Variants in EEFSEC observed in about 807,000 individuals in gnomAD.
The protein encoded by EEFSEC is selenocysteine-specific elongation factor.
Under a neutral mutation model 42.1 loss-of-function variants are expected in EEFSEC, and 43 were observed. That is an observed-to-expected ratio of 1.02 (90% confidence interval 0.80 to 1.32). The LOEUF (loss-of-function observed/expected upper bound fraction) is 1.32, where lower values mean the gene tolerates loss of function less well. EEFSEC is among the 40% of genes most tolerant of loss of function. EEFSEC has a pLI of 0.00. For synonymous variants in EEFSEC, 354 were observed against 339.1 expected (o/e 1.04, Z -0.48); for missense variants, 745 against 803.6 (o/e 0.93, Z 0.88).
chr3:128,244,604 C>T (rs935472249), intron 1 of EEFSEC, among the ~76,000 whole-genome samples: 38 of 152,202 alleles, frequency 2.5e-4, no homozygotes, highest in Admixed American at 1.5e-3. Context: ...AGATACTACA[C>T]ATCCCTGTTT....
chr3:128,247,228 A>T (rs1026514515), intron 2 of EEFSEC, among the ~76,000 whole-genome samples, 185 bp downstream of exon 2: 1 of 152,206 alleles, frequency 6.6e-6, no homozygotes, highest in African/African-American at 2.4e-5. Flanking sequence ...GTGTTTTTAA[A>T]AGAGGCCAAA....
intron 2 of EEFSEC, among the ~76,000 whole-genome samples, chr3:128,254,967 G>A (rs912604901): frequency 1.3e-5 from 2 of 152,202 alleles, no homozygotes; most frequent in African/African-American, 4.8e-5. Context: ...CCAATTGGAT[G>A]CAGTGACTGA....
At chr3:128,337,929 C>G (rs534337180) in intron 4 of EEFSEC, among the ~76,000 whole-genome samples, 13 of 152,230 alleles carry the variant, frequency 8.5e-5, no homozygotes, top group Non-Finnish European at 1.9e-4. Flanking sequence ...CCTTGAGAAG[C>G]CCTTGCACAT....
At position 128,358,125 on chromosome 3, in the gene EEFSEC, G is replaced by A. The variant is rs2067478823; in HGVS notation, c.1444-92G>A. The A allele has an allele frequency of 7.9e-6, 12 of 1,520,112 alleles. No individual in the cohort carries two copies. In the South Asian group the frequency reaches 1.4e-4, roughly 18 times the overall value. The allele number at this position is 1,520,112 out of a possible 1,614,324, so 94.2% of individuals were successfully genotyped here. On this transcript the variant is annotated intron_variant, in intron 5 of 6. Coordinates refer to ENST00000254730, the MANE Select transcript of EEFSEC (RefSeq NM_021937.5). ...GCGGGCAGCAGCCAGCCATGCCTAG[G>A]GCCCGGGAGAGCTGGGGCTAGGCAC...
intron 2 of EEFSEC, 42 bp downstream of exon 2, chr3:128,247,085 C>T (rs1198079107): frequency 6.3e-7 from 1 of 1,586,882 alleles, no homozygotes; most frequent in African/African-American, 1.3e-5. Flanking sequence ...CATAAGAAGG[C>T]TTCTGGGGCC....
In EEFSEC at chr3:128,242,888, G is replaced by A. The variant is rs370782797; in HGVS notation, c.317-3948G>A. Among the ~76,000 whole-genome samples, 7 of 152,182 alleles carry A rather than the reference G, an allele frequency of 4.6e-5. No individual in the cohort carries two copies. The South Asian group carries it at 8.3e-4, about 18-fold the overall frequency. On this transcript the variant is annotated intron_variant, in intron 1 of 6. Transcript: ENST00000254730. ...TCTTGTGTTTCCCACCCACTCACTC[G>A]CTATGTCCCTCTAGTCTCAGAGCGA...
At chr3:128,302,217 G>T (rs544266304) in intron 4 of EEFSEC, among the ~76,000 whole-genome samples, 11 of 152,126 alleles carry the variant, frequency 7.2e-5, no homozygotes, top group Non-Finnish European at 1.5e-4. Context: ...AGAGTGATAC[G>T]CCTGTTCCTT....
At chr3:128,175,543 T>C (rs2065340010) in intron 1 of EEFSEC, among the ~76,000 whole-genome samples, 1 of 152,112 alleles carries the variant, frequency 6.6e-6, no homozygotes, top group Non-Finnish European at 1.5e-5. Context: ...CCAGGCAACA[T>C]GAAGGCTGGC....
intron 4 of EEFSEC, among the ~76,000 whole-genome samples, chr3:128,325,139 C>T (rs949342606): frequency 1.3e-5 from 2 of 152,238 alleles, no homozygotes; most frequent in Non-Finnish European, 2.9e-5. Context: ...GAGCCCAGAG[C>T]TGTCACTGCT....
chr3:128,414,732 C>T, the EEFSEC span, among the ~76,000 whole-genome samples: 22 of 152,346 alleles, frequency 1.4e-4, no homozygotes, highest in South Asian at 4.6e-3. Context: ...TCATCATCAG[C>T]ATCACCAGCG....
At chr3:128,367,805 A>T (rs1353525248) in intron 6 of EEFSEC, 6 of 985,258 alleles carry the variant, frequency 6.1e-6, no homozygotes, top group Non-Finnish European at 6.0e-6. Context: ...CTCTACAATA[A>T]GACTCCCTTT....
At chr3:128,379,269 T>C (rs2067745898) in intron 6 of EEFSEC, among the ~76,000 whole-genome samples, 1 of 152,132 alleles carries the variant, frequency 6.6e-6, no homozygotes, top group Non-Finnish European at 1.5e-5. Flanking sequence ...TGTACTTTTT[T>C]CCCCAAATGA....
At chr3:128,238,770 T>C (rs187391465) in intron 1 of EEFSEC, among the ~76,000 whole-genome samples, 2 of 152,318 alleles carry the variant, frequency 1.3e-5, no homozygotes, top group African/African-American at 4.8e-5. Flanking sequence ...ATGGCTGTTA[T>C]TTGAATTGTG....
At chr3:128,175,776 C>T (rs1436145448) in intron 1 of EEFSEC, among the ~76,000 whole-genome samples, 2 of 152,184 alleles carry the variant, frequency 1.3e-5, no homozygotes, top group African/African-American at 4.8e-5. Context: ...TAGTAGTGAG[C>T]CCTCTAATTA....
At chr3:128,410,819 CTG>C (rs1047049888), downstream of EEFSEC, among the ~76,000 whole-genome samples, 3 of 152,188 alleles carry the variant, frequency 2.0e-5, no homozygotes, top group Non-Finnish European at 2.9e-5. Context: ...TCCAGGAACT[CTG>C]TGCAGGCGTC....
the EEFSEC span, among the ~76,000 whole-genome samples, chr3:128,414,717 C>T: frequency 3.9e-5 from 6 of 152,200 alleles, no homozygotes; most frequent in South Asian, 2.1e-4. Context: ...CTAACTTCAC[C>T]GCCATCATCA....
chr3:128,180,217 A>G (rs1385257272), intron 1 of EEFSEC, among the ~76,000 whole-genome samples: 1 of 152,220 alleles, frequency 6.6e-6, no homozygotes, highest in African/African-American at 2.4e-5. Context: ...CATCAGATCG[A>G]GTACTTAAGA....
chr3:128,294,033 T>G (rs2811519), intron 4 of EEFSEC, among the ~76,000 whole-genome samples: 127,554 of 152,224 alleles, frequency 0.84, 53,943 homozygotes, highest in East Asian at 0.99. Flanking sequence ...TGGTGAGAAG[T>G]CTGCTCCCTA....
At chr3:128,223,254 C>T (rs766777714) in intron 1 of EEFSEC, among the ~76,000 whole-genome samples, 31 of 152,202 alleles carry the variant, frequency 2.0e-4, no homozygotes, top group Admixed American at 4.6e-4. Context: ...CCAGGCTTCA[C>T]CCCATGTGTC....
Sources: allele counts gnomAD v4.1 joint callset (sites outside exome capture counted in the v4.1 genomes callset), GRCh38; gene constraint gnomAD v4.1.1; transcripts MANE v1.5; gene names NCBI Gene and HGNC (gene_info 2026-07-23, HGNC 2026-07-21).